TMEM131L: variants seen among roughly 807,000 people sequenced by gnomAD.
TMEM131L encodes transmembrane 131 like, also known as transmembrane protein 131-like.
A neutral mutation model predicts 192.2 loss-of-function variants in TMEM131L; 54 were observed. That is an observed-to-expected ratio of 0.28 (90% CI 0.23 to 0.35). The LOEUF is 0.35. Among genes scored for constraint, TMEM131L ranks in the 10% least tolerant of loss-of-function variants. The pLI is 1.00. For synonymous variants in TMEM131L, 701 were observed against 704.9 expected (o/e 0.99, Z 0.09); for missense variants, 1,888 against 1,972.9 (o/e 0.96, Z 0.82).
intron 3 of TMEM131L, among the ~76,000 whole-genome samples, chr4:153,490,710 C>G (rs769458821): frequency 1.1e-4 from 17 of 151,912 alleles, no homozygotes; most frequent in Non-Finnish European, 2.2e-4. Context: ...AATCCCAGCA[C>G]TTTGGGAGGC....
At position 153,529,081 on chromosome 4, in the gene TMEM131L, G is replaced by A. The variant is rs550468407; in HGVS notation, c.240-20992G>A. 1.3e-4 allele frequency among the ~76,000 whole-genome samples: 20 copies of A among 152,118 alleles called. No individual in the cohort carries two copies. In the East Asian group the frequency reaches 3.7e-3, roughly 28 times the overall value. ...AGACTGCCCATCAGTTGCCTGTTCT[G>A]TGATCACTGGTGATTTCTGGGAGGT... On this transcript the variant is annotated intron_variant, in intron 3 of 34. Transcript: ENST00000409959.
At chr4:153,589,367 T>A (rs1318792827) in intron 16 of TMEM131L, among the ~76,000 whole-genome samples, 14 of 152,154 alleles carry the variant, frequency 9.2e-5, no homozygotes. Flanking sequence ...AAATAAGGGC[T>A]ACTTGAACAA....
rs1454232531 is a variant in TMEM131L, at chr4:153,588,986, A to G, written c.1649A>G (p.Tyr550Cys). 2 of 1,586,980 alleles carry G rather than the reference A, an allele frequency of 1.3e-6. No homozygotes were observed. Among genetic ancestry groups the G allele is most frequent in the Non-Finnish European group, 1.7e-6 (2 of 1,155,672 alleles). ...ANKLYERWKK[Y>C]KNGDVCKRNV... ...AAATTGTATGAAAGATGGAAGAAAT[A>G]TAAAAATGGTGACGTCTGCAAGTAC... Residue 550 changes from tyrosine to cysteine, a missense_variant, in exon 16 of 35, where the codon TAT (tyrosine) becomes TGT (cysteine). Physicochemically the swap from Tyr to Cys is radical, Grantham distance 194. Transcript: ENST00000409959.
intron 26 of TMEM131L, among the ~76,000 whole-genome samples, chr4:153,619,506 A>G (rs114583672): frequency 0.02 from 2,994 of 152,366 alleles, 91 homozygotes; most frequent in Admixed American, 0.083. Flanking sequence ...AGGTTAATAC[A>G]TACTTATTGG....
chr4:153,593,969 C>A, intron 19 of TMEM131L, 98 bp downstream of exon 19: 1 of 765,744 alleles, frequency 1.3e-6, no homozygotes, highest in Non-Finnish European at 2.2e-6. Flanking sequence ...CTTTTATTTA[C>A]TATATATGGC....
At chr4:153,576,646 T>A (rs1184330703) in intron 7 of TMEM131L, among the ~76,000 whole-genome samples, 1 of 151,558 alleles carries the variant, frequency 6.6e-6, no homozygotes, top group Non-Finnish European at 1.5e-5. Context: ...GGTTAAGACC[T>A]TAACATAGTT....
chr4:153,603,252 G>T, intron 23 of TMEM131L, 51 bp from the exon 24 acceptor site: 1 of 1,490,808 alleles, frequency 6.7e-7, no homozygotes, highest in South Asian at 1.3e-5. Flanking sequence ...CTAGTCTTTT[G>T]AATGCCAGTC....
intron 3 of TMEM131L, among the ~76,000 whole-genome samples, chr4:153,484,636 T>G (rs1464014050): frequency 1.3e-5 from 2 of 149,112 alleles, no homozygotes; most frequent in African/African-American, 4.9e-5. Flanking sequence ...GCCCAGCTAA[T>G]TTTTTGTATT....
chr4:153,493,956 G>A (rs1393953966), intron 3 of TMEM131L, among the ~76,000 whole-genome samples: 1 of 152,160 alleles, frequency 6.6e-6, no homozygotes, highest in Non-Finnish European at 1.5e-5. Context: ...TCCTGATCTG[G>A]CTGACACCGT....
chr4:153,497,446 G>A (rs1254722716), intron 3 of TMEM131L, among the ~76,000 whole-genome samples: 1 of 152,056 alleles, frequency 6.6e-6, no homozygotes, highest in Non-Finnish European at 1.5e-5. Context: ...TCGGTTTTAA[G>A]CACCCTCCCC....
chr4:153,585,269 C>T (rs149389447), intron 12 of TMEM131L, among the ~76,000 whole-genome samples, 189 bp from the exon 13 acceptor site: 134 of 152,322 alleles, frequency 8.8e-4, no homozygotes, highest in African/African-American at 3.1e-3. Flanking sequence ...GGTTGCTTCC[C>T]CTCGGGCTTC....
At chr4:153,615,544 A>G (rs1271209039) in intron 26 of TMEM131L, among the ~76,000 whole-genome samples, 1 of 152,236 alleles carries the variant, frequency 6.6e-6, no homozygotes, top group African/African-American at 2.4e-5. Context: ...CAAGTATACA[A>G]AAAGCTAGGC....
chr4:153,499,375 TC>T (rs1484490478), intron 3 of TMEM131L, among the ~76,000 whole-genome samples: 1 of 152,210 alleles, frequency 6.6e-6, no homozygotes, highest in Non-Finnish European at 1.5e-5. Flanking sequence ...CATGGATTTA[TC>T]AGTCTTGACA....
intron 3 of TMEM131L, among the ~76,000 whole-genome samples, chr4:153,480,167 G>A (rs554903302): frequency 5.9e-5 from 9 of 152,138 alleles, no homozygotes; most frequent in Non-Finnish European, 8.8e-5. Context: ...GTGAAACCCC[G>A]TCTCTACTAA....
intron 34 of TMEM131L, among the ~76,000 whole-genome samples, chr4:153,635,953 G>A (rs1653483559): frequency 6.6e-6 from 1 of 152,058 alleles, no homozygotes; most frequent in African/African-American, 2.4e-5. Flanking sequence ...TCAGTGGGTG[G>A]TCAGGGTCCC....
chr4:153,575,577 C>G (rs1453918952), intron 7 of TMEM131L, among the ~76,000 whole-genome samples: 1 of 152,090 alleles, frequency 6.6e-6, no homozygotes, highest in Non-Finnish European at 1.5e-5. Context: ...CTCTTAACCC[C>G]TCCAAGCCAC....
intron 7 of TMEM131L, among the ~76,000 whole-genome samples, chr4:153,578,988 T>A (rs576537289): frequency 8.5e-5 from 13 of 152,270 alleles, no homozygotes; most frequent in African/African-American, 2.9e-4. Context: ...TAAAGATAAA[T>A]TTTAAAAATT....
intron 3 of TMEM131L, among the ~76,000 whole-genome samples, chr4:153,502,152 C>T (rs1042370828): frequency 6.6e-6 from 1 of 151,954 alleles, no homozygotes; most frequent in Non-Finnish European, 1.5e-5. Flanking sequence ...CCGTGCTTCC[C>T]GGGCCGGTCT....
chr4:153,487,082 G>A (rs1285967697), intron 3 of TMEM131L, among the ~76,000 whole-genome samples: 1 of 152,210 alleles, frequency 6.6e-6, no homozygotes, highest in Non-Finnish European at 1.5e-5. Context: ...TAGGGGAGGA[G>A]CCCAGAGATC....
Sources: gnomAD v4.1 joint callset for allele counts (sites outside exome capture counted in the v4.1 genomes callset) on GRCh38, gnomAD v4.1.1 for gene constraint, MANE v1.5 for transcripts, NCBI Gene and HGNC (gene_info 2026-07-23, HGNC 2026-07-21) for gene names.